The following NOX4 variants were observed in gnomAD, a reference collection of about 807,000 sequenced individuals.
The protein encoded by NOX4 is kidney oxidase-1.
Under a neutral mutation model 87.6 loss-of-function variants are expected in NOX4, and 69 were observed. The observed-to-expected ratio is 0.79, with a 90% CI of 0.65 to 0.96. NOX4 has a LOEUF of 0.96. Among genes scored for constraint, NOX4 ranks in the 40% least tolerant of loss-of-function variants. NOX4 has a pLI of 0.00. For missense variants in NOX4, 680 were observed against 681.5 expected, an observed-to-expected ratio of 1.00 and a Z score of 0.02; for synonymous variants, 275 against 238.2, an observed-to-expected ratio of 1.15 and a Z score of -1.42.
At chr11:89,340,471 C>T (rs575619866) in intron 14 of NOX4, among the ~76,000 whole-genome samples, 18 of 152,200 alleles carry the variant, frequency 1.2e-4, no homozygotes, top group African/African-American at 4.3e-4. Flanking sequence ...TCATCCATTT[C>T]CAGTTGAAGG....
chr11:89,574,455 A>G, the NOX4 span, among the ~76,000 whole-genome samples: 1 of 152,216 alleles, frequency 6.6e-6, no homozygotes, highest in African/African-American at 2.4e-5. Context: ...TCTTCCAGGT[A>G]TTGAAGCCAT....
intron 2 of NOX4, among the ~76,000 whole-genome samples, chr11:89,462,947 T>C (rs1242090837): frequency 2.6e-5 from 4 of 151,954 alleles, no homozygotes; most frequent in Non-Finnish European, 5.9e-5. Context: ...AAAAGATAGA[T>C]ATATGATAAG....
At chr11:89,417,610 A>C (rs1460229216) in intron 8 of NOX4, among the ~76,000 whole-genome samples, 3 of 152,124 alleles carry the variant, frequency 2.0e-5, no homozygotes, top group Non-Finnish European at 1.5e-5. Context: ...AGTTTTCACT[A>C]TGTTCATCAA....
chr11:89,571,540 C>A, the NOX4 span, among the ~76,000 whole-genome samples: 2 of 152,108 alleles, frequency 1.3e-5, no homozygotes, highest in Non-Finnish European at 2.9e-5. Context: ...CGTGATCTGC[C>A]CGCCTGGGCC....
intron 6 of NOX4, among the ~76,000 whole-genome samples, chr11:89,433,814 ATT>A (rs1164044043): frequency 6.6e-6 from 1 of 152,122 alleles, no homozygotes; most frequent in African/African-American, 2.4e-5. Flanking sequence ...GGCAGGATAG[ATT>A]GCTACAAATC....
At chr11:89,383,941 T>C (rs913405999) in intron 11 of NOX4, among the ~76,000 whole-genome samples, 3 of 152,078 alleles carry the variant, frequency 2.0e-5, no homozygotes, top group Admixed American at 6.5e-5. Context: ...CATTAAAACC[T>C]AATCACCTTT....
intron 6 of NOX4, among the ~76,000 whole-genome samples, chr11:89,439,234 G>T (rs1024940745): frequency 6.6e-6 from 1 of 150,824 alleles, no homozygotes; most frequent in African/African-American, 2.4e-5. Context: ...TCTCTTAAAT[G>T]AATTCACTGT....
chr11:89,463,884 G>A (rs1945571128), intron 2 of NOX4, among the ~76,000 whole-genome samples: 1 of 151,900 alleles, frequency 6.6e-6, no homozygotes, highest in South Asian at 2.1e-4. Flanking sequence ...GGTTTTTCTT[G>A]TTTATATAGG....
chr11:89,438,803 T>C (rs185821763), intron 6 of NOX4, among the ~76,000 whole-genome samples: 1 of 20,982 alleles, frequency 4.8e-5, no homozygotes, highest in African/African-American at 6.6e-4. Context: ...TATAATATAT[T>C]ATATATTATA....
At chr11:89,412,384 A>G (rs1290553541) in intron 8 of NOX4, among the ~76,000 whole-genome samples, 1 of 152,138 alleles carries the variant, frequency 6.6e-6, no homozygotes, top group Admixed American at 6.6e-5. Flanking sequence ...TCCTCAGCAC[A>G]TGGGTCATTC....
chr11:89,582,869 C>T, the NOX4 span, among the ~76,000 whole-genome samples: 2 of 152,166 alleles, frequency 1.3e-5, no homozygotes, highest in African/African-American at 4.8e-5. Flanking sequence ...TGCATTCTGT[C>T]CTTCAGACTG....
At chr11:89,544,521 A>C in the NOX4 span, among the ~76,000 whole-genome samples, 1 of 152,050 alleles carries the variant, frequency 6.6e-6, no homozygotes, top group South Asian at 2.1e-4. Flanking sequence ...GAGGCATTTA[A>C]AAGTGGTATA....
intron 12 of NOX4, 145 bp downstream of exon 12, chr11:89,373,287 A>AC: frequency 1.9e-5 from 9 of 484,976 alleles, no homozygotes; most frequent in South Asian, 4.4e-5. Context: ...CAAAAAAAAA[A>AC]AAAAAAAAAA....
chr11:89,424,313 T>C (rs967988168), intron 7 of NOX4, among the ~76,000 whole-genome samples: 1 of 151,510 alleles, frequency 6.6e-6, no homozygotes, highest in African/African-American at 2.4e-5. Context: ...CTCTTTTACT[T>C]GGTGTTAACA....
rs561874121 is a variant in NOX4 at position 89,390,482 on chromosome 11, A to G, written c.1074+9535T>C. Among the ~76,000 whole-genome samples, 31 of 152,296 alleles carry G rather than the reference A, an allele frequency of 2.0e-4. No homozygotes were observed. In the East Asian group the frequency reaches 5.2e-3, roughly 26 times the overall value. On this transcript the variant is annotated intron_variant, in intron 11 of 17. Coordinates refer to ENST00000263317, the MANE Select transcript of NOX4 (RefSeq NM_016931.5). ...ATCTATGAGATAGAGTGGTTTTAAG[A>G]AAACAGTTAGTATTTATAATTGAGA...
chr11:89,381,152 A>G (rs1940257259), intron 11 of NOX4, among the ~76,000 whole-genome samples: 1 of 152,204 alleles, frequency 6.6e-6, no homozygotes, highest in South Asian at 2.1e-4. Context: ...AATGATGGCT[A>G]GTGCAGGCAT....
upstream of NOX4, among the ~76,000 whole-genome samples, chr11:89,493,723 TA>T (rs201470166): frequency 8.0e-3 from 485 of 60,354 alleles, 4 homozygotes; most frequent in East Asian, 0.12. Context: ...CAGATTGTTT[TA>T]TTATTATTAT....
intron 13 of NOX4, among the ~76,000 whole-genome samples, chr11:89,344,794 AG>A (rs1946144684): frequency 3.3e-5 from 5 of 152,264 alleles, no homozygotes; most frequent in African/African-American, 1.2e-4. Context: ...ACTTATATTA[AG>A]GGGGGATGAC....
At chr11:89,413,224 T>C (rs1204407330) in intron 8 of NOX4, among the ~76,000 whole-genome samples, 11 of 152,100 alleles carry the variant, frequency 7.2e-5, no homozygotes, top group Admixed American at 7.2e-4. Context: ...TATACACTGT[T>C]GGTGGGAATG....
Sources: allele counts gnomAD v4.1 joint callset (sites outside exome capture counted in the v4.1 genomes callset), GRCh38; gene constraint gnomAD v4.1.1; transcripts MANE v1.5; gene names NCBI Gene and HGNC (gene_info 2026-07-23, HGNC 2026-07-21).